PALM2AKAP2: variants seen among roughly 807,000 people sequenced by gnomAD.
PALM2AKAP2 encodes PALM2-AKAP2 fusion protein.
In PALM2AKAP2, 37 loss-of-function variants were observed where a neutral mutation model predicts 71.5. The ratio of observed to expected loss-of-function variants is 0.52; its 90% CI spans 0.40 to 0.68. PALM2AKAP2 has a LOEUF of 0.68. Among genes scored for constraint, PALM2AKAP2 ranks in the 30% least tolerant of loss-of-function variants. The pLI, the probability that PALM2AKAP2 is intolerant of heterozygous loss-of-function variation, is 0.00. For synonymous variants in PALM2AKAP2, 468 were observed against 478.8 expected (o/e 0.98, Z 0.29); for missense variants, 1,224 against 1,191.8 (o/e 1.03, Z -0.40).
At chr9:109,979,376 G>C (rs899271389) in intron 6 of PALM2AKAP2, among the ~76,000 whole-genome samples, 2 of 152,204 alleles carry the variant, frequency 1.3e-5, no homozygotes, top group Non-Finnish European at 1.5e-5. Flanking sequence ...TGTCTTAAGA[G>C]TCTGAGGGGC....
chr9:109,986,770 C>T (rs1588045659), intron 6 of PALM2AKAP2, among the ~76,000 whole-genome samples: 1 of 152,162 alleles, frequency 6.6e-6, no homozygotes, highest in African/African-American at 2.4e-5. Context: ...ACTTCTGTCA[C>T]ATATTTTAGT....
At chr9:109,804,492 T>C (rs1415380388) in intron 1 of PALM2AKAP2, among the ~76,000 whole-genome samples, 1 of 152,216 alleles carries the variant, frequency 6.6e-6, no homozygotes, top group Non-Finnish European at 1.5e-5. Context: ...TTAGTTGTTT[T>C]CCCCTCATTT....
At chr9:109,800,579 C>T (rs142212191) in intron 1 of PALM2AKAP2, among the ~76,000 whole-genome samples, 11 of 150,700 alleles carry the variant, frequency 7.3e-5, no homozygotes, top group African/African-American at 1.7e-4. Flanking sequence ...ATTTCTTGCT[C>T]AGCTCAGATT....
intron 1 of PALM2AKAP2, among the ~76,000 whole-genome samples, chr9:109,652,526 C>T (rs1827240029): frequency 6.6e-6 from 1 of 152,144 alleles, no homozygotes. Context: ...ATCTGTTTTC[C>T]TTATAAATTA....
chr9:109,840,755 A>G (rs1177427719), intron 1 of PALM2AKAP2, among the ~76,000 whole-genome samples: 3 of 152,238 alleles, frequency 2.0e-5, no homozygotes, highest in Non-Finnish European at 4.4e-5. Flanking sequence ...CAGCCAAAAG[A>G]CACATGAAAA....
intron 1 of PALM2AKAP2, among the ~76,000 whole-genome samples, chr9:110,125,841 G>T (rs1217778374): frequency 6.6e-6 from 1 of 151,426 alleles, no homozygotes; most frequent in East Asian, 1.9e-4. Context: ...CAAAGAGGAC[G>T]CTCAGTCCTG....
At chr9:110,105,914 A>G (rs1835108568) in intron 1 of PALM2AKAP2, among the ~76,000 whole-genome samples, 1 of 152,174 alleles carries the variant, frequency 6.6e-6, no homozygotes, top group African/African-American at 2.4e-5. Flanking sequence ...GAAGCGTCTG[A>G]CCAATAAAGC....
chr9:109,910,444 A>G (rs1248926484), intron 3 of PALM2AKAP2, among the ~76,000 whole-genome samples: 2 of 152,230 alleles, frequency 1.3e-5, no homozygotes, highest in African/African-American at 4.8e-5. Context: ...GAGGCTGGAC[A>G]TGAGTAGCCA....
intron 1 of PALM2AKAP2, among the ~76,000 whole-genome samples, chr9:109,765,998 T>C (rs972692387): frequency 1.3e-5 from 2 of 152,180 alleles, no homozygotes; most frequent in Non-Finnish European, 2.9e-5. Flanking sequence ...ATGCCTGCCT[T>C]CTGGAATTCC....
intron 1 of PALM2AKAP2, among the ~76,000 whole-genome samples, chr9:110,130,724 C>A (rs566834558): frequency 6.6e-6 from 1 of 152,286 alleles, no homozygotes; most frequent in African/African-American, 2.4e-5. Context: ...ACCGAAGTCC[C>A]CTGAGCCAAA....
At chr9:110,086,584 C>T (rs572275962) in intron 1 of PALM2AKAP2, among the ~76,000 whole-genome samples, 1 of 152,252 alleles carries the variant, frequency 6.6e-6, no homozygotes, top group East Asian at 1.9e-4. Context: ...GCTCATGACC[C>T]CATAGGTGCG....
At chr9:109,735,444 G>A (rs1828615967) in intron 1 of PALM2AKAP2, among the ~76,000 whole-genome samples, 1 of 151,958 alleles carries the variant, frequency 6.6e-6, no homozygotes, top group South Asian at 2.1e-4. Flanking sequence ...GCAGTTTCAT[G>A]GGACAAACTC....
At chr9:109,862,000 A>G (rs1197997707) in intron 1 of PALM2AKAP2, among the ~76,000 whole-genome samples, 1 of 152,226 alleles carries the variant, frequency 6.6e-6, no homozygotes, top group African/African-American at 2.4e-5. Flanking sequence ...TCATCATACA[A>G]TATTCTAGGC....
chr9:109,648,571 G>T (rs139377142), intron 1 of PALM2AKAP2, among the ~76,000 whole-genome samples: 1 of 152,302 alleles, frequency 6.6e-6, no homozygotes, highest in Non-Finnish European at 1.5e-5. Flanking sequence ...TGATGGGAGG[G>T]TTATTTTTGA....
intron 1 of PALM2AKAP2, among the ~76,000 whole-genome samples, chr9:109,691,174 TACACACACAC>T (rs56966509): frequency 6.1e-5 from 9 of 147,566 alleles, no homozygotes; most frequent in East Asian, 2.0e-4. Flanking sequence ...CTTTGAATTT[TACACACACAC>T]ACACACACAC....
chr9:110,111,620 A>T (rs1323290309), intron 1 of PALM2AKAP2, among the ~76,000 whole-genome samples: 3 of 152,184 alleles, frequency 2.0e-5, no homozygotes, highest in African/African-American at 7.2e-5. Context: ...GAGAAAAAGG[A>T]ATTTTGCACC....
intron 1 of PALM2AKAP2, among the ~76,000 whole-genome samples, chr9:109,855,068 C>A (rs532358829): frequency 7.1e-6 from 1 of 141,082 alleles, no homozygotes; most frequent in Non-Finnish European, 1.5e-5. Flanking sequence ...ATGCCTGGTG[C>A]CCCCCCCTTT....
At chr9:109,795,586 G>A (rs368715603) in intron 1 of PALM2AKAP2, among the ~76,000 whole-genome samples, 8 of 152,210 alleles carry the variant, frequency 5.3e-5, no homozygotes, top group Non-Finnish European at 1.0e-4. Flanking sequence ...TAGTGCCGCC[G>A]TGGGAAGATC....
upstream of PALM2AKAP2, among the ~76,000 whole-genome samples, chr9:109,777,491 C>T (rs965269514): frequency 6.6e-6 from 1 of 152,228 alleles, no homozygotes; most frequent in African/African-American, 2.4e-5. Context: ...CTGTTCTCCA[C>T]CTTCATCTTT....
Sources: gnomAD v4.1 joint callset for allele counts (sites outside exome capture counted in the v4.1 genomes callset) on GRCh38, gnomAD v4.1.1 for gene constraint, MANE v1.5 for transcripts, NCBI Gene and HGNC (gene_info 2026-07-23, HGNC 2026-07-21) for gene names.